IL18R1: variants seen among roughly 807,000 people sequenced by gnomAD.
IL18R1 encodes the protein interleukin 18 receptor 1.
Under a neutral mutation model 48.5 loss-of-function variants are expected in IL18R1, and 40 were observed. The observed-to-expected ratio is 0.82, with a 90% CI of 0.64 to 1.07. The LOEUF (loss-of-function observed/expected upper bound fraction) is 1.07. Ranked by LOEUF, IL18R1 falls within the 50% of genes least tolerant of loss-of-function variation. IL18R1 has a pLI of 0.00. For synonymous variants in IL18R1, 232 were observed against 225.9 expected (o/e 1.03, Z -0.24); for missense variants, 596 against 633.7 (o/e 0.94, Z 0.64).
chr2:102,384,834 C>T lies in IL18R1; in HGVS notation c.689-44C>T, dbSNP rs11465643. The T allele has an allele frequency of 1.3e-5, 20 of 1,599,038 alleles. No homozygotes were observed. In the East Asian group the frequency reaches 4.3e-4, roughly 34 times the overall value. Reference sequence around the variant, plus strand: ...ATATTGTTTTGAAACTTTTAAGAAACCTGAGTTTCAAAAATCAGAACTTTA... The same window carrying T: ...ATATTGTTTTGAAACTTTTAAGAAATCTGAGTTTCAAAAATCAGAACTTTA... On this transcript the variant is annotated intron_variant, in intron 6 of 10. Coordinates refer to ENST00000233957, the MANE Select transcript of IL18R1 (RefSeq NM_003855.5).
Position 102,390,141 on chromosome 2 carries a change from G to A in IL18R1, c.1035G>A (p.Val345=), listed in dbSNP as rs1412954243. 2 of 1,613,670 alleles carry A rather than the reference G, an allele frequency of 1.2e-6. No individual in the cohort carries two copies. Among genetic ancestry groups the A allele is most frequent in the Non-Finnish European group, 1.7e-6 (2 of 1,179,826 alleles). The stretch of plus-strand genomic sequence containing the variant: ...TCTTGGTGGCAGTAGTGTGCCTAGT[G>A]ACTGTGTGTGTCATTTATAGAGTTG... ...VLILVAVVCL[V]TVCVIYRVDL... Residue 345 remains valine (V), a synonymous_variant, in exon 9 of 11, where the codon GTG becomes GTA. Transcript: ENST00000233957.
intron 1 of IL18R1, among the ~76,000 whole-genome samples, chr2:102,358,927 G>A (rs190366489): frequency 1.3e-5 from 2 of 152,244 alleles, no homozygotes; most frequent in Admixed American, 6.5e-5. Flanking sequence ...AAAGAAACAA[G>A]CAGACATAAA....
Position 102,397,139 on chromosome 2 carries a change from C to T in IL18R1, c.*253C>T. 2.4e-6 allele frequency: 1 copy of T among 412,504 alleles called. No individual in the cohort carries two copies. Among genetic ancestry groups the T allele is most frequent in the Non-Finnish European group, 4.3e-6 (1 of 233,046 alleles). The allele number at this position is 412,504 out of a possible 1,614,324, so 25.6% of individuals were successfully genotyped here. ...TATTCTTTTTCTCCCTCTTTCATAA[C>T]TGGATGCAGCTGCTCATACTCAATC... On this transcript the variant is annotated 3_prime_UTR_variant, in exon 11 of 11. Coordinates refer to ENST00000233957, the MANE Select transcript of IL18R1 (RefSeq NM_003855.5).
At chr2:102,384,368 A>G (rs544037500) in intron 6 of IL18R1, among the ~76,000 whole-genome samples, 2 of 152,310 alleles carry the variant, frequency 1.3e-5, no homozygotes, top group African/African-American at 2.4e-5. Flanking sequence ...TCTTGTTTCT[A>G]TGAGACTCTT....
chr2:102,363,891 C>G (rs563258636), intron 2 of IL18R1, among the ~76,000 whole-genome samples: 1 of 152,170 alleles, frequency 6.6e-6, no homozygotes, highest in Admixed American at 6.5e-5. Context: ...CTGCTGGGTT[C>G]TTATACTGTG....
At chr2:102,371,433 C>T (rs1257161781) in intron 3 of IL18R1, among the ~76,000 whole-genome samples, 2 of 152,186 alleles carry the variant, frequency 1.3e-5, no homozygotes, top group African/African-American at 2.4e-5. Flanking sequence ...TTCAATTACA[C>T]TGAGGGCAGC....
intron 1 of IL18R1, among the ~76,000 whole-genome samples, chr2:102,360,031 T>C (rs1376287084): frequency 1.3e-5 from 2 of 152,150 alleles, no homozygotes; most frequent in Non-Finnish European, 2.9e-5. Context: ...AGAATGGAGA[T>C]TCAAATCCAC....
At chr2:102,362,802 C>A in intron 2 of IL18R1, 84 bp downstream of exon 2, 1 of 727,388 alleles carries the variant, frequency 1.4e-6, no homozygotes, top group South Asian at 1.9e-5. Context: ...GTGGTGGCTA[C>A]TGAAGATGCT....
intron 10 of IL18R1, among the ~76,000 whole-genome samples, chr2:102,395,467 G>C (rs926105845): frequency 1.3e-5 from 2 of 152,018 alleles, no homozygotes; most frequent in African/African-American, 4.8e-5. Context: ...GAAAGAAATA[G>C]TTACATTCCC....
At chr2:102,357,135 G>A (rs959471525) in intron 1 of IL18R1, among the ~76,000 whole-genome samples, 1 of 152,286 alleles carries the variant, frequency 6.6e-6, no homozygotes, top group East Asian at 1.9e-4. Flanking sequence ...GGTTTGTGCA[G>A]GTTCTGGGGA....
intron 3 of IL18R1, among the ~76,000 whole-genome samples, chr2:102,369,144 A>G (rs1430932420): frequency 2.6e-5 from 4 of 151,390 alleles, no homozygotes; most frequent in Non-Finnish European, 5.9e-5. Context: ...AGGAAGAATG[A>G]ATACTCACAA....
intron 8 of IL18R1, among the ~76,000 whole-genome samples, chr2:102,387,967 TAGAG>T (rs1237246723): frequency 1.4e-5 from 2 of 145,926 alleles, no homozygotes; most frequent in African/African-American, 2.5e-5. Flanking sequence ...AAGAGGGAGA[TAGAG>T]AGGCAGAGAC....
At chr2:102,368,171 C>G in intron 3 of IL18R1, 103 bp downstream of exon 3, 1 of 1,226,540 alleles carries the variant, frequency 8.2e-7, no homozygotes, top group South Asian at 1.4e-5. Flanking sequence ...TCACCACATC[C>G]TTTTCTTTCC....
At chr2:102,393,057 A>T (rs910205492) in intron 9 of IL18R1, among the ~76,000 whole-genome samples, 3 of 152,226 alleles carry the variant, frequency 2.0e-5, no homozygotes, top group African/African-American at 7.2e-5. Flanking sequence ...TATGTAATAT[A>T]AACCCATATT....
chr2:102,356,711 T>C (rs1311506506), intron 1 of IL18R1, among the ~76,000 whole-genome samples: 2 of 152,196 alleles, frequency 1.3e-5, no homozygotes, highest in Admixed American at 1.3e-4. Context: ...AGATATCTTA[T>C]TTTCACTTAA....
At chr2:102,368,165 C>A in intron 3 of IL18R1, 97 bp downstream of exon 3, 1 of 1,302,142 alleles carries the variant, frequency 7.7e-7, no homozygotes, top group Non-Finnish European at 1.1e-6. Flanking sequence ...AGATAATCAC[C>A]ACATCCTTTT....
intron 8 of IL18R1, among the ~76,000 whole-genome samples, chr2:102,389,349 ATTACT>A (rs932261022): frequency 6.6e-6 from 1 of 152,222 alleles, no homozygotes; most frequent in African/African-American, 2.4e-5. Flanking sequence ...GTTGTTAAAA[ATTACT>A]TTATTCTTTT....
At chr2:102,379,251 C>T (rs1043185426) in intron 5 of IL18R1, among the ~76,000 whole-genome samples, 2 of 152,068 alleles carry the variant, frequency 1.3e-5, no homozygotes, top group African/African-American at 4.8e-5. Flanking sequence ...CGGGACAGGC[C>T]TGGCCAACAT....
Position 102,367,848 on chromosome 2 carries a change from A to G in IL18R1, c.82A>G (p.Ile28Val), listed in dbSNP as rs759505022. The change falls in exon 3 of 11, where the codon ATT becomes GTT. Residue 28 changes from isoleucine to valine, a missense_variant. By Grantham distance (29) the Ile-to-Val change is conservative. Transcript: ENST00000233957. ...TAESCTSRPH[I>V]TVVEGEPFYL... ...AGAATCTTGTACTTCACGTCCCCAC[A>G]TTACTGTGGTTGAAGGGGAACCTTT... is the stretch of plus-strand genomic sequence containing the variant. 1.7e-5 allele frequency: 27 copies of G among 1,613,588 alleles called. No individual in the cohort carries two copies. The highest frequency in any genetic ancestry group is 2.3e-5 in the Non-Finnish European group (27 of 1,179,672).
Sources: gnomAD v4.1 joint callset for allele counts (sites outside exome capture counted in the v4.1 genomes callset) on GRCh38, gnomAD v4.1.1 for gene constraint, MANE v1.5 for transcripts, NCBI Gene and HGNC (gene_info 2026-07-23, HGNC 2026-07-21) for gene names.